The following CLNK variants were observed in gnomAD, a reference collection of about 807,000 sequenced individuals.
The protein encoded by CLNK is cytokine-dependent hematopoietic cell linker.
CLNK carries 74 observed loss-of-function variants against 68.6 expected under a neutral mutation model. That is an observed-to-expected ratio of 1.08 (90% confidence interval 0.89 to 1.31). The LOEUF is 1.31. Among genes scored for constraint, CLNK ranks in the 50% most tolerant of loss-of-function variants. CLNK has a pLI of 0.00. For missense variants in CLNK, 553 were observed against 515.3 expected (o/e 1.07, Z -0.71); for synonymous variants, 198 against 172.2 (o/e 1.15, Z -1.17).
intron 4 of CLNK, 136 bp from the exon 5 acceptor site, chr4:10,571,914 C>T: frequency 3.0e-6 from 2 of 664,950 alleles, no homozygotes; most frequent in Non-Finnish European, 5.2e-6. Context: ...TTTTTCAAAA[C>T]TAAAGTGCAT....
chr4:10,604,023 G>A (rs1721693960), intron 2 of CLNK, among the ~76,000 whole-genome samples: 1 of 152,196 alleles, frequency 6.6e-6, no homozygotes. Flanking sequence ...GGTGTCCCCG[G>A]GGAGCGAGTA....
chr4:10,558,644 G>A (rs897149234), intron 7 of CLNK, among the ~76,000 whole-genome samples, 192 bp from the exon 8 acceptor site: 4 of 152,162 alleles, frequency 2.6e-5, no homozygotes, highest in African/African-American at 4.8e-5. Flanking sequence ...GGGTGCAGTG[G>A]CTTGAGTGGT....
chr4:10,630,902 T>A (rs887770419), intron 2 of CLNK, among the ~76,000 whole-genome samples: 1 of 152,094 alleles, frequency 6.6e-6, no homozygotes, highest in Non-Finnish European at 1.5e-5. Flanking sequence ...GCCATTTATC[T>A]CCAGGCGTAT....
chr4:10,593,973 G>A (rs2108842866), intron 3 of CLNK, among the ~76,000 whole-genome samples: 1 of 152,316 alleles, frequency 6.6e-6, no homozygotes, highest in Non-Finnish European at 1.5e-5. Context: ...TCAGTACAGA[G>A]AGGACTTGGC....
intron 4 of CLNK, among the ~76,000 whole-genome samples, chr4:10,577,121 T>A (rs1383800028): frequency 1.3e-5 from 2 of 152,170 alleles, no homozygotes; most frequent in African/African-American, 4.8e-5. Flanking sequence ...CTGCAGAGGT[T>A]TAGCACTCTC....
intron 18 of CLNK, among the ~76,000 whole-genome samples, chr4:10,491,697 G>C (rs1339025211): frequency 1.3e-5 from 2 of 152,178 alleles, no homozygotes; most frequent in Non-Finnish European, 2.9e-5. Context: ...AGGGTTTAAA[G>C]ACATTAAAAG....
chr4:10,698,929 G>T, the CLNK span, among the ~76,000 whole-genome samples: 1 of 152,086 alleles, frequency 6.6e-6, no homozygotes, highest in Non-Finnish European at 1.5e-5. Flanking sequence ...AACTCTTTTT[G>T]TCATGGCGGC....
At position 10,617,495 on chromosome 4, in the gene CLNK, C is replaced by A. The variant is rs16870645; in HGVS notation, c.12-19446G>T. On this transcript the variant is annotated intron_variant, in intron 2 of 18. Coordinates refer to ENST00000226951, the MANE Select transcript of CLNK (RefSeq NM_052964.4). ...GATTTCTCACCAGTGGGACTATGAG[C>A]TGCTCATTGGAAATTTCTACTTCTG... 6.1e-3 allele frequency among the ~76,000 whole-genome samples: 922 copies of A among 152,344 alleles called. 20 individuals are homozygous for A. The East Asian group carries it at 0.064, about 11-fold the overall frequency.
At chr4:10,589,036 G>A (rs914081846) in intron 3 of CLNK, among the ~76,000 whole-genome samples, 9 of 152,002 alleles carry the variant, frequency 5.9e-5, no homozygotes, top group Admixed American at 4.6e-4. Flanking sequence ...TACACCTAAC[G>A]GTACTATATC....
At chr4:10,715,835 C>T in the CLNK span, among the ~76,000 whole-genome samples, 1 of 152,128 alleles carries the variant, frequency 6.6e-6, no homozygotes, top group Non-Finnish European at 1.5e-5. Context: ...TCCAATTCCC[C>T]AGAACATTAC....
chr4:10,732,564 G>C, the CLNK span, among the ~76,000 whole-genome samples: 1 of 152,206 alleles, frequency 6.6e-6, no homozygotes. Context: ...TTCAAGCTCT[G>C]AATGGGGACT....
chr4:10,628,658 G>T (rs955966983), intron 2 of CLNK, among the ~76,000 whole-genome samples: 4 of 152,188 alleles, frequency 2.6e-5, no homozygotes, highest in Non-Finnish European at 4.4e-5. Flanking sequence ...TCCTTCTTCA[G>T]TGAAGACTGC....
chr4:10,611,495 T>TAAAAA (rs1274936982), intron 2 of CLNK, among the ~76,000 whole-genome samples: 3 of 14,298 alleles, frequency 2.1e-4, no homozygotes, highest in African/African-American at 3.2e-4. Flanking sequence ...AGGCTAAGTC[T>TAAAAA]GAAAAAAAAA....
At chr4:10,611,496 G>GGAAA (rs1553857350) in intron 2 of CLNK, among the ~76,000 whole-genome samples, 4 of 134,690 alleles carry the variant, frequency 3.0e-5, no homozygotes, top group Non-Finnish European at 6.3e-5. Context: ...GGCTAAGTCT[G>GGAAA]AAAAAAAAAA....
At chr4:10,653,176 A>C (rs979638929) in intron 2 of CLNK, among the ~76,000 whole-genome samples, 6 of 152,132 alleles carry the variant, frequency 3.9e-5, no homozygotes. Flanking sequence ...AACATCATAC[A>C]GTGGGGCTTG....
chr4:10,647,420 C>T (rs150463950), intron 2 of CLNK, among the ~76,000 whole-genome samples: 196 of 152,214 alleles, frequency 1.3e-3, no homozygotes, highest in African/African-American at 4.6e-3. Context: ...ATACATGAGT[C>T]TCCTTTGGAT....
At chr4:10,500,234 T>C (rs1716982765) in intron 18 of CLNK, among the ~76,000 whole-genome samples, 1 of 152,170 alleles carries the variant, frequency 6.6e-6, no homozygotes, top group South Asian at 2.1e-4. Flanking sequence ...TACCCCTTCC[T>C]TCATCAACAG....
chr4:10,575,732 G>A (rs1720537219), intron 4 of CLNK, among the ~76,000 whole-genome samples: 1 of 152,240 alleles, frequency 6.6e-6, no homozygotes, highest in African/African-American at 2.4e-5. Context: ...GAGACCCCAA[G>A]GCCCATGGGG....
At chr4:10,557,076 A>T (rs925387626) in intron 8 of CLNK, among the ~76,000 whole-genome samples, 1 of 139,996 alleles carries the variant, frequency 7.1e-6, no homozygotes, top group Non-Finnish European at 1.5e-5. Context: ...ACTCTGTCTC[A>T]AAATAAATAA....
Sources: allele counts gnomAD v4.1 joint callset (sites outside exome capture counted in the v4.1 genomes callset), GRCh38; gene constraint gnomAD v4.1.1; transcripts MANE v1.5; gene names NCBI Gene and HGNC (gene_info 2026-07-23, HGNC 2026-07-21).